GAP43: variants seen among roughly 807,000 people sequenced by gnomAD.
GAP43 encodes growth associated protein 43, also known as neuromodulin.
Under a neutral mutation model 18.6 loss-of-function variants are expected in GAP43, and 6 were observed. That is an observed-to-expected ratio of 0.32 (90% CI 0.18 to 0.64). The LOEUF (loss-of-function observed/expected upper bound fraction) is 0.64, where lower values mean the gene tolerates loss of function less well. GAP43 is among the 30% of genes least tolerant of loss of function. The probability of loss-of-function intolerance (pLI) is 0.78; values close to 1 mark genes in which losing one functional copy is unlikely to be tolerated. For synonymous variants in GAP43, 115 were observed against 111.4 expected (o/e 1.03, Z -0.20); for missense variants, 292 against 295.5 (o/e 0.99, Z 0.09).
At chr3:115,720,406 A>G (rs933422710) in intron 2 of GAP43, among the ~76,000 whole-genome samples, 5 of 152,234 alleles carry the variant, frequency 3.3e-5, no homozygotes, top group African/African-American at 9.6e-5. Flanking sequence ...GATGGTCCAC[A>G]TAAATTATCT....
intron 2 of GAP43, among the ~76,000 whole-genome samples, chr3:115,677,088 C>G (rs1042023081): frequency 2.4e-4 from 36 of 152,272 alleles, no homozygotes; most frequent in African/African-American, 7.9e-4. Context: ...TTGTTGGCAG[C>G]AAAAGTATAA....
At chr3:115,705,266 C>A (rs1245896860) in intron 2 of GAP43, among the ~76,000 whole-genome samples, 2 of 152,110 alleles carry the variant, frequency 1.3e-5, no homozygotes, top group Non-Finnish European at 2.9e-5. Context: ...TGGTGTCATT[C>A]TTACAGAGCT....
At chr3:115,659,536 C>T (rs1708630075) in intron 1 of GAP43, among the ~76,000 whole-genome samples, 1 of 151,926 alleles carries the variant, frequency 6.6e-6, no homozygotes, top group Non-Finnish European at 1.5e-5. Flanking sequence ...ACATTAAACA[C>T]TACGATGTGA....
chr3:115,630,109 C>G (rs528559528), intron 1 of GAP43, among the ~76,000 whole-genome samples: 5 of 152,206 alleles, frequency 3.3e-5, no homozygotes, highest in Non-Finnish European at 7.3e-5. Flanking sequence ...CATGCCCTTA[C>G]TTTGAGGCTC....
chr3:115,649,992 C>A (rs1438997889), intron 1 of GAP43, among the ~76,000 whole-genome samples: 1 of 152,082 alleles, frequency 6.6e-6, no homozygotes, highest in Non-Finnish European at 1.5e-5. Flanking sequence ...ACAGCACTTT[C>A]CCAAGTGTTC....
intron 1 of GAP43, among the ~76,000 whole-genome samples, chr3:115,654,721 G>T (rs1475728554): frequency 6.6e-6 from 1 of 152,150 alleles, no homozygotes; most frequent in African/African-American, 2.4e-5. Flanking sequence ...CCCCTTCAGA[G>T]GGTCATGTTC....
intron 1 of GAP43, among the ~76,000 whole-genome samples, chr3:115,625,761 G>T (rs572336120): frequency 6.6e-6 from 1 of 152,260 alleles, no homozygotes; most frequent in African/African-American, 2.4e-5. Context: ...TCACTCTGAT[G>T]TGCAAAGTGA....
At chr3:115,716,463 T>A (rs1559808919) in intron 2 of GAP43, among the ~76,000 whole-genome samples, 1 of 151,892 alleles carries the variant, frequency 6.6e-6, no homozygotes, top group African/African-American at 2.4e-5. Flanking sequence ...GTAGAATTTT[T>A]AAAAAATGTT....
intron 2 of GAP43, 56 bp downstream of exon 2, chr3:115,676,666 C>A: frequency 1.4e-6 from 2 of 1,469,474 alleles, no homozygotes; most frequent in Admixed American, 4.7e-5. Context: ...AGTTGCTATT[C>A]GGAAGACCAG....
At chr3:115,711,810 T>C (rs200914727) in intron 2 of GAP43, among the ~76,000 whole-genome samples, 2 of 33,340 alleles carry the variant, frequency 6.0e-5, no homozygotes, top group African/African-American at 1.4e-4. Flanking sequence ...TATTTGACTG[T>C]TTGTTATACT....
At chr3:115,707,349 G>A (rs1165813346) in intron 2 of GAP43, among the ~76,000 whole-genome samples, 1 of 152,152 alleles carries the variant, frequency 6.6e-6, no homozygotes, top group Non-Finnish European at 1.5e-5. Flanking sequence ...CACCAAGGCT[G>A]GAGTGCAGTG....
At chr3:115,673,447 T>C (rs1708839284) in intron 1 of GAP43, among the ~76,000 whole-genome samples, 1 of 152,246 alleles carries the variant, frequency 6.6e-6, no homozygotes, top group African/African-American at 2.4e-5. Flanking sequence ...TGTGGACACC[T>C]GCTCCTTCTG....
At chr3:115,662,882 C>G (rs562659066) in intron 1 of GAP43, among the ~76,000 whole-genome samples, 1 of 152,258 alleles carries the variant, frequency 6.6e-6, no homozygotes, top group African/African-American at 2.4e-5. Flanking sequence ...CCAATTTAGC[C>G]AAATTCTTTC....
intron 1 of GAP43, among the ~76,000 whole-genome samples, chr3:115,667,120 A>C (rs973659087): frequency 6.6e-6 from 1 of 152,164 alleles, no homozygotes. Flanking sequence ...GCAACAACTA[A>C]AAATAACATT....
chr3:115,651,583 T>A (rs530553393), intron 1 of GAP43, among the ~76,000 whole-genome samples: 16 of 152,322 alleles, frequency 1.1e-4, no homozygotes, highest in Non-Finnish European at 1.9e-4. Flanking sequence ...CTTGCTGCAT[T>A]CCATTTTATT....
chr3:115,624,899 G>C (rs1268634102), intron 1 of GAP43, among the ~76,000 whole-genome samples: 2 of 151,870 alleles, frequency 1.3e-5, no homozygotes, highest in African/African-American at 4.8e-5. Context: ...ACTGTGGTGG[G>C]GGTGGGGGTG....
At chr3:115,678,113 GT>G (rs1206217719) in intron 2 of GAP43, among the ~76,000 whole-genome samples, 2 of 152,210 alleles carry the variant, frequency 1.3e-5, no homozygotes, top group African/African-American at 4.8e-5. Context: ...GGTAAGGCAT[GT>G]GATAAAAAGT....
chr3:115,656,660 T>C (rs767834795), intron 1 of GAP43, among the ~76,000 whole-genome samples: 3 of 152,212 alleles, frequency 2.0e-5, no homozygotes, highest in Non-Finnish European at 4.4e-5. Context: ...AAAGTAAAAG[T>C]GTATCAGTGA....
chr3:115,696,576 CCG>C (rs1181277880), intron 2 of GAP43, among the ~76,000 whole-genome samples: 105 of 78,638 alleles, frequency 1.3e-3, no homozygotes, highest in Middle Eastern at 6.0e-3. Context: ...CTGCCCCCCA[CCG>C]CCCCCCCCCC....
Sources: gnomAD v4.1 joint callset for allele counts (sites outside exome capture counted in the v4.1 genomes callset) on GRCh38, gnomAD v4.1.1 for gene constraint, MANE v1.5 for transcripts, NCBI Gene and HGNC (gene_info 2026-07-23, HGNC 2026-07-21) for gene names.